Variants in TACC1 observed in about 807,000 individuals in gnomAD.
The protein encoded by TACC1 is transforming acidic coiled-coil-containing protein 1.
A neutral mutation model predicts 84.4 loss-of-function variants in TACC1; 48 were observed. The observed-to-expected ratio is 0.57, with a 90% confidence interval of 0.45 to 0.72. The LOEUF (loss-of-function observed/expected upper bound fraction) is 0.72, where lower values mean the gene tolerates loss of function less well. TACC1 is among the 30% of genes least tolerant of loss of function. The pLI is 0.00. For missense variants in TACC1, 920 were observed against 973.0 expected, an observed-to-expected ratio of 0.95 and a Z score of 0.72; for synonymous variants, 372 against 376.3, an observed-to-expected ratio of 0.99 and a Z score of 0.13.
chr8:38,838,352 T>C (rs1378377590), intron 7 of TACC1, 118 bp from the exon 8 acceptor site: 6 of 671,810 alleles, frequency 8.9e-6, no homozygotes, highest in Non-Finnish European at 1.6e-5. Context: ...TATTGAAGTT[T>C]ATATTTCTAA....
chr8:38,800,877 G>A (rs1003220269), intron 2 of TACC1, among the ~76,000 whole-genome samples: 7 of 152,098 alleles, frequency 4.6e-5, no homozygotes, highest in Non-Finnish European at 8.8e-5. Flanking sequence ...GTATTTGAGC[G>A]TTTCAATTTC....
At chr8:38,756,040 C>G (rs1042872569) in intron 3 of TACC1, among the ~76,000 whole-genome samples, 1 of 151,886 alleles carries the variant, frequency 6.6e-6, no homozygotes, top group Non-Finnish European at 1.5e-5. Context: ...GTCTCTAACT[C>G]CTGACCTCAG....
chr8:38,733,551 C>T (rs568702341), intron 1 of TACC1, among the ~76,000 whole-genome samples: 20 of 152,190 alleles, frequency 1.3e-4, no homozygotes, highest in South Asian at 2.1e-4. Context: ...GTCTGAGGTC[C>T]GGACTGCAGG....
intron 12 of TACC1, among the ~76,000 whole-genome samples, chr8:38,847,121 T>C (rs1832464576): frequency 6.6e-6 from 1 of 152,238 alleles, no homozygotes; most frequent in Non-Finnish European, 1.5e-5. Context: ...CTTTGTTTTT[T>C]ATGCAATATA....
intron 3 of TACC1, among the ~76,000 whole-genome samples, chr8:38,751,573 T>C (rs1476609730): frequency 6.6e-6 from 1 of 152,242 alleles, no homozygotes; most frequent in Non-Finnish European, 1.5e-5. Flanking sequence ...AGTCTATTGG[T>C]GCCATTTTTC....
At chr8:38,846,610 G>C in intron 11 of TACC1, 89 bp from the exon 12 acceptor site, 2 of 1,492,384 alleles carry the variant, frequency 1.3e-6, no homozygotes, top group South Asian at 1.3e-5. Flanking sequence ...GTGCCTCACA[G>C]ATGTCAGTGG....
chr8:38,748,137 TAGTA>T (rs1206862612), intron 3 of TACC1, among the ~76,000 whole-genome samples: 1 of 151,978 alleles, frequency 6.6e-6, no homozygotes, highest in Non-Finnish European at 1.5e-5. Flanking sequence ...ATCATGTAAA[TAGTA>T]AGCACAAGAA....
At chr8:38,736,318 T>G (rs966215210) in intron 1 of TACC1, among the ~76,000 whole-genome samples, 2 of 152,200 alleles carry the variant, frequency 1.3e-5, no homozygotes, top group Admixed American at 1.3e-4. Flanking sequence ...ATAACCTGGC[T>G]GGGCACTGTG....
intron 3 of TACC1, among the ~76,000 whole-genome samples, chr8:38,778,930 T>C (rs1815384224): frequency 6.6e-6 from 1 of 151,876 alleles, no homozygotes; most frequent in Non-Finnish European, 1.5e-5. Context: ...CAATTTTTTG[T>C]GCCTTTGAGG....
chr8:38,796,978 C>T (rs1156540232), intron 2 of TACC1, among the ~76,000 whole-genome samples: 1 of 152,192 alleles, frequency 6.6e-6, no homozygotes, highest in Non-Finnish European at 1.5e-5. Flanking sequence ...GTCAAGATGT[C>T]GGCTGGGACT....
chr8:38,769,915 GTGAT>G (rs545873085), intron 3 of TACC1, among the ~76,000 whole-genome samples: 4 of 150,656 alleles, frequency 2.7e-5, no homozygotes, highest in Admixed American at 6.6e-5. Context: ...TGGTGTGTGT[GTGAT>G]TGTGTGGTGT....
chr8:38,835,392 A>C (rs975250412), intron 6 of TACC1, among the ~76,000 whole-genome samples: 1 of 152,244 alleles, frequency 6.6e-6, no homozygotes, highest in African/African-American at 2.4e-5. Flanking sequence ...ACCTGAGCTT[A>C]TGAAAGAAGC....
intron 9 of TACC1, among the ~76,000 whole-genome samples, chr8:38,841,408 AAAG>A (rs764617023): frequency 2.0e-5 from 3 of 152,220 alleles, no homozygotes; most frequent in South Asian, 2.1e-4. Context: ...GAATAGACCA[AAAG>A]AAGAACACTT....
At chr8:38,769,212 GGT>G in intron 3 of TACC1, among the ~76,000 whole-genome samples, 1 of 146,604 alleles carries the variant, frequency 6.8e-6, no homozygotes. Context: ...GTGATTGTGT[GGT>G]GTGTGTATGT....
intron 7 of TACC1, among the ~76,000 whole-genome samples, chr8:38,837,013 G>A (rs1295755404): frequency 2.0e-5 from 3 of 151,500 alleles, no homozygotes; most frequent in African/African-American, 7.3e-5. Flanking sequence ...GTCTTTTACA[G>A]CTTTCTAAAA....
intron 3 of TACC1, among the ~76,000 whole-genome samples, chr8:38,751,543 T>C (rs1809039153): frequency 6.6e-6 from 1 of 152,266 alleles, no homozygotes; most frequent in East Asian, 1.9e-4. Flanking sequence ...TGAAAGTTTT[T>C]GGCAACCTTG....
chr8:38,829,385 T>C (rs758401405), intron 5 of TACC1, among the ~76,000 whole-genome samples: 1 of 152,176 alleles, frequency 6.6e-6, no homozygotes, highest in Non-Finnish European at 1.5e-5. Flanking sequence ...CCCAAAGATA[T>C]TGTTCACCAT....
intron 3 of TACC1, among the ~76,000 whole-genome samples, chr8:38,767,450 G>A (rs1812458129): frequency 6.6e-6 from 1 of 152,236 alleles, no homozygotes; most frequent in South Asian, 2.1e-4. Context: ...GCAGAGATTG[G>A]CAGGTTCTCT....
chr8:38,790,668 A>T (rs2152004643), intron 2 of TACC1, among the ~76,000 whole-genome samples: 1 of 152,320 alleles, frequency 6.6e-6, no homozygotes, highest in East Asian at 1.9e-4. Flanking sequence ...TTGCCTAGGG[A>T]AGTCAAGTTA....
Sources: allele counts gnomAD v4.1 joint callset (sites outside exome capture counted in the v4.1 genomes callset), GRCh38; gene constraint gnomAD v4.1.1; transcripts MANE v1.5; gene names NCBI Gene and HGNC (gene_info 2026-07-23, HGNC 2026-07-21).